Variants in TMEM45A observed in about 807,000 individuals in gnomAD.
The protein encoded by TMEM45A is transmembrane protein 45A, also known as DNA polymerase-transactivated protein 4.
Under a neutral mutation model 32.0 loss-of-function variants are expected in TMEM45A, and 25 were observed. That is an observed-to-expected ratio of 0.78 (90% confidence interval 0.57 to 1.09). The LOEUF (loss-of-function observed/expected upper bound fraction) is 1.09. Ranked by LOEUF, TMEM45A falls within the 50% of genes least tolerant of loss-of-function variation. TMEM45A has a pLI of 0.00. For missense variants in TMEM45A, 302 were observed against 325.0 expected (o/e 0.93, Z 0.54); for synonymous variants, 122 against 114.8 (o/e 1.06, Z -0.40).
chr3:100,569,093 A>C, intron 5 of TMEM45A, 126 bp downstream of exon 5: 1 of 964,062 alleles, frequency 1.0e-6, no homozygotes, highest in Non-Finnish European at 1.5e-6. Context: ...ACAGGGTAGC[A>C]TAGCAGAACA....
chr3:100,572,071 T>A (rs940222607), intron 5 of TMEM45A: 1 of 152,258 alleles, frequency 6.6e-6, no homozygotes. Flanking sequence ...CATGTGCATG[T>A]GTCTTTATAG....
chr3:100,534,559 C>T (rs1307207700), intron 1 of TMEM45A, among the ~76,000 whole-genome samples: 1 of 152,136 alleles, frequency 6.6e-6, no homozygotes, highest in Admixed American at 6.6e-5. Flanking sequence ...AGGGATTCTC[C>T]CCTGCAGCCC....
chr3:100,537,319 G>T (rs1396554567), intron 1 of TMEM45A, among the ~76,000 whole-genome samples: 1 of 152,158 alleles, frequency 6.6e-6, no homozygotes, highest in Non-Finnish European at 1.5e-5. Context: ...GAGCTGAGGG[G>T]TGGGGAGAAC....
In TMEM45A at chr3:100,492,909, G is replaced by C. The variant is rs1482853281; in HGVS notation, c.-23G>C. The C allele has an allele frequency of 6.6e-6, 1 of 152,108 alleles. No homozygotes were observed. The highest frequency in any genetic ancestry group is 1.5e-5 in the Non-Finnish European group (1 of 68,038). The allele number at this position is 152,108 out of a possible 1,614,324, so 9.4% of individuals were successfully genotyped here. ...GGCAAAGTGGGAAAAATAAAGTGTT[G>C]AGTAAACAGACCAAGTTGGGTAAGT... is the stretch of plus-strand genomic sequence containing the variant. On this transcript the variant is annotated 5_prime_UTR_variant, in exon 1 of 6. Transcript: ENST00000323523.
At chr3:100,557,050 TG>T in intron 3 of TMEM45A, 78 bp downstream of exon 3, 1 of 1,446,872 alleles carries the variant, frequency 6.9e-7, no homozygotes, top group African/African-American at 1.4e-5. Flanking sequence ...AATATACCTC[TG>T]GCATCTTGTT....
intron 5 of TMEM45A, 106 bp from the exon 6 acceptor site, chr3:100,576,819 C>T (rs1706698077): frequency 1.1e-5 from 10 of 894,818 alleles, no homozygotes; most frequent in African/African-American, 1.7e-5. Flanking sequence ...GGGTTGCCTT[C>T]CCCAGTTGCC....
chr3:100,576,907 G>T lies in TMEM45A; in HGVS notation c.735-18G>T. The T allele has an allele frequency of 6.3e-7, 1 of 1,577,940 alleles. No individual in the cohort carries two copies. Among genetic ancestry groups the T allele is most frequent in the African/African-American group, 1.3e-5 (1 of 74,130 alleles). Reference sequence around the variant, plus strand: ...TTTTAAAAACCGTCTAACTTGAGATGCTTTTCTTTCTCCTCAGGTTGGTTA... The same window carrying T: ...TTTTAAAAACCGTCTAACTTGAGATTCTTTTCTTTCTCCTCAGGTTGGTTA... On this transcript the variant is annotated intron_variant, in intron 5 of 5. Transcript: ENST00000323523.
At chr3:100,539,584 A>C (rs538086620) in intron 1 of TMEM45A, among the ~76,000 whole-genome samples, 1 of 152,178 alleles carries the variant, frequency 6.6e-6, no homozygotes, top group African/African-American at 2.4e-5. Context: ...AGGCCTGATA[A>C]CTGGAAGGCC....
rs369303312 is a variant in TMEM45A, at chr3:100,530,617, C to T, written c.-3-24592C>T. The stretch of plus-strand genomic sequence containing the variant: ...CATCACAATTTTGAAGCTAATCCAA[C>T]TTATCACATTATTTGATCCATAATA... On this transcript the variant is annotated intron_variant, in intron 1 of 5. Transcript: ENST00000323523. Among the ~76,000 whole-genome samples the T allele has an allele frequency of 8.5e-5, 13 of 152,252 alleles. No homozygotes were observed. The South Asian group carries it at 2.5e-3, about 29-fold the overall frequency.
At chr3:100,576,231 A>G (rs1706682099) in intron 5 of TMEM45A, among the ~76,000 whole-genome samples, 1 of 152,142 alleles carries the variant, frequency 6.6e-6, no homozygotes, top group Non-Finnish European at 1.5e-5. Context: ...CAGGTGGATC[A>G]CGAGGTCAGG....
At chr3:100,558,295 T>C in intron 3 of TMEM45A, 110 bp from the exon 4 acceptor site, 1 of 1,346,916 alleles carries the variant, frequency 7.4e-7, no homozygotes, top group South Asian at 1.3e-5. Flanking sequence ...CCTGCTCTTT[T>C]GGACAAATGT....
rs1706269576 is a variant in TMEM45A at position 100,558,570 on chromosome 3, A to G, written c.569A>G (p.Gln190Arg). The G allele has an allele frequency of 1.2e-6, 2 of 1,613,990 alleles. No homozygotes were observed. The highest frequency in any genetic ancestry group is 1.7e-6 in the Non-Finnish European group (2 of 1,179,890). The change falls in exon 4 of 6, where the codon CAG (glutamine) becomes CGG (arginine). Residue 190 changes from glutamine (Q) to arginine (R), a missense_variant. Gln to Arg is a conservative substitution (Grantham distance 43, BLOSUM62 1). Coordinates refer to ENST00000323523, the MANE Select transcript of TMEM45A (RefSeq NM_018004.3). ...TTGCGGTCAAGTCTCATTCTGCTTC[A>G]GGGGAGCTGGTTCTTTCAGGTGAGT... ...ELLRSSLILLQGSWFFQIGFV... is the reference protein window; with the variant it reads ...ELLRSSLILLRGSWFFQIGFV...
intron 1 of TMEM45A, among the ~76,000 whole-genome samples, chr3:100,545,816 C>A (rs1705969341): frequency 6.6e-6 from 1 of 151,748 alleles, no homozygotes; most frequent in Non-Finnish European, 1.5e-5. Flanking sequence ...GACTGTAAGC[C>A]CTTTAGTGTT....
intron 1 of TMEM45A, among the ~76,000 whole-genome samples, chr3:100,494,251 T>C (rs147378256): frequency 1.1e-4 from 17 of 152,338 alleles, no homozygotes; most frequent in Admixed American, 2.6e-4. Flanking sequence ...ATATGTTATT[T>C]ACTATCATGG....
intron 5 of TMEM45A, among the ~76,000 whole-genome samples, chr3:100,570,216 G>A (rs1369354747): frequency 6.6e-6 from 1 of 152,180 alleles, no homozygotes; most frequent in Non-Finnish European, 1.5e-5. Flanking sequence ...CATCTAGCAG[G>A]TTCTCTGATT....
rs562411860 is a variant in TMEM45A at position 100,516,030 on chromosome 3, AG to A, written c.-4+23106del. Among the ~76,000 whole-genome samples the A allele has an allele frequency of 1.1e-4, 17 of 152,352 alleles. No homozygotes were observed. The East Asian group carries it at 3.3e-3, about 29-fold the overall frequency. On this transcript the variant is annotated intron_variant, in intron 1 of 5. Coordinates refer to ENST00000323523, the MANE Select transcript of TMEM45A (RefSeq NM_018004.3). ...AATACAAAGAAATGATAAATGTTTC[AG>A]GGGTGATAGATATCCCAGATACTCT...
intron 1 of TMEM45A, among the ~76,000 whole-genome samples, chr3:100,531,173 A>G (rs1705639734): frequency 6.6e-6 from 1 of 152,200 alleles, no homozygotes; most frequent in Non-Finnish European, 1.5e-5. Context: ...TGTAAAGAGT[A>G]ATTTGCCCTC....
chr3:100,555,123 A>C, intron 1 of TMEM45A, 86 bp from the exon 2 acceptor site: 2 of 1,183,642 alleles, frequency 1.7e-6, no homozygotes, highest in Non-Finnish European at 2.4e-6. Flanking sequence ...ATCAGAAGAC[A>C]GTGTACTTTA....
rs779590586 is a variant in TMEM45A, at chr3:100,558,494, C to T, written c.493C>T (p.Leu165Phe). 1.2e-6 allele frequency: 2 copies of T among 1,614,032 alleles called. No homozygotes were observed. The highest frequency in any genetic ancestry group is 1.7e-6 in the Non-Finnish European group (2 of 1,180,028). The change falls in exon 4 of 6, where the codon CTC becomes TTC. Residue 165 changes from leucine (L) to phenylalanine (F), a missense_variant. Transcript: ENST00000323523. ...GGTTTTGGTCGTCTTTCTGACAGGCCTCGTTGCCTTCCTAGAGTTCCTTGT... is the reference window on the plus strand; with the variant it reads ...GGTTTTGGTCGTCTTTCTGACAGGCTTCGTTGCCTTCCTAGAGTTCCTTGT... ...LLVLVVFLTG[L>F]VAFLEFLVRN...
Sources: allele counts gnomAD v4.1 joint callset (sites outside exome capture counted in the v4.1 genomes callset), GRCh38; gene constraint gnomAD v4.1.1; transcripts MANE v1.5; gene names NCBI Gene and HGNC (gene_info 2026-07-23, HGNC 2026-07-21).